MEF2A: variants seen among roughly 807,000 people sequenced by gnomAD.
MEF2A encodes myocyte enhancer factor 2A.
MEF2A carries 28 observed loss-of-function variants against 55.8 expected under a neutral mutation model. The ratio of observed to expected loss-of-function variants is 0.50; its 90% CI spans 0.37 to 0.69. The LOEUF is 0.69. Among genes scored for constraint, MEF2A ranks in the 30% least tolerant of loss-of-function variants. The pLI is 0.00. For synonymous variants in MEF2A, 239 were observed against 227.1 expected, an observed-to-expected ratio of 1.05 and a Z score of -0.47; for missense variants, 528 against 626.2, an observed-to-expected ratio of 0.84 and a Z score of 1.67.
chr15:99,655,707 G>T (rs191576228), intron 4 of MEF2A, among the ~76,000 whole-genome samples: 1 of 152,082 alleles, frequency 6.6e-6, no homozygotes, highest in African/African-American at 2.4e-5. Flanking sequence ...AGATTAAAGT[G>T]GGGGGTTAGG....
At chr15:99,666,606 AT>A (rs2049807654) in intron 4 of MEF2A, among the ~76,000 whole-genome samples, 2 of 149,268 alleles carry the variant, frequency 1.3e-5, no homozygotes, top group African/African-American at 4.9e-5. Flanking sequence ...AATAATAATA[AT>A]AATAAAAAGA....
At chr15:99,611,338 C>T (rs1016821827) in intron 2 of MEF2A, among the ~76,000 whole-genome samples, 23 of 152,066 alleles carry the variant, frequency 1.5e-4, no homozygotes, top group Admixed American at 2.6e-4. Flanking sequence ...ACTCTTACAT[C>T]GCAACAATGA....
chr15:99,569,467 C>T (rs1961163105), intron 1 of MEF2A, among the ~76,000 whole-genome samples: 1 of 152,212 alleles, frequency 6.6e-6, no homozygotes, highest in African/African-American at 2.4e-5. Flanking sequence ...ATCTTAAATT[C>T]ATTGTCAGAT....
At chr15:99,698,928 A>G (rs1448030817) in intron 8 of MEF2A, among the ~76,000 whole-genome samples, 1 of 151,786 alleles carries the variant, frequency 6.6e-6, no homozygotes, top group East Asian at 1.9e-4. Context: ...TTAAATATAC[A>G]CTTGCTGGCC....
chr15:99,603,543 T>TTTTGTGTGTGTG (rs1555455133), intron 2 of MEF2A, among the ~76,000 whole-genome samples: 2 of 126,422 alleles, frequency 1.6e-5, no homozygotes, highest in Non-Finnish European at 3.3e-5. Context: ...CTGGCTGATT[T>TTTTGTGTGTGTG]TGTGTGTGTG....
intron 2 of MEF2A, among the ~76,000 whole-genome samples, chr15:99,621,372 A>ATTT (rs953396846): frequency 1.4e-5 from 2 of 146,940 alleles, no homozygotes; most frequent in Non-Finnish European, 3.0e-5. Flanking sequence ...TATTTTTCTC[A>ATTT]TTTTTTTTTT....
chr15:99,712,983 C>G lies in MEF2A; in HGVS notation c.*212C>G, dbSNP rs1196256261. On this transcript the variant is annotated 3_prime_UTR_variant, in exon 12 of 12. Transcript: ENST00000557942. The surrounding 1 kb of genome is among the most constrained non-coding windows in gnomAD (Gnocchi z 4.1). ...ACTTACCTGCAAACTCCTTGTAGGT[C>G]TGCAGATGTGTGTCCCATGGCAGAC... The G allele has an allele frequency of 1.7e-6, 1 of 598,370 alleles. No individual in the cohort carries two copies. The highest frequency in any genetic ancestry group is 1.9e-5 in the African/African-American group (1 of 54,048). 37.1% of individuals were successfully genotyped at this position (598,370 alleles called of 1,614,324 possible).
Position 99,599,967 on chromosome 15 carries a change from C to T in MEF2A, c.-143+1456C>T, listed in dbSNP as rs1246625955. On this transcript the variant is annotated intron_variant, in intron 2 of 11. Transcript: ENST00000557942. ...GATTTATGTAGGTTGTATGCAAATA[C>T]TGCACCATTTTTATATAAGAGACTT... 2.0e-5 allele frequency among the ~76,000 whole-genome samples: 3 copies of T among 152,074 alleles called. No individual in the cohort carries two copies. The East Asian group carries it at 5.8e-4, about 29-fold the overall frequency.
At chr15:99,634,893 G>A (rs2043516545) in intron 3 of MEF2A, among the ~76,000 whole-genome samples, 2 of 152,052 alleles carry the variant, frequency 1.3e-5, no homozygotes, top group South Asian at 2.1e-4. Context: ...AGAAATAATT[G>A]GACAGTTTAT....
At chr15:99,709,508 T>C (rs1411233215) in intron 10 of MEF2A, among the ~76,000 whole-genome samples, 1 of 151,976 alleles carries the variant, frequency 6.6e-6, no homozygotes, top group Non-Finnish European at 1.5e-5. Flanking sequence ...CCCATGGGAG[T>C]GTATAGAATG....
chr15:99,662,102 G>A (rs2153575125), intron 4 of MEF2A, among the ~76,000 whole-genome samples: 1 of 152,246 alleles, frequency 6.6e-6, no homozygotes, highest in East Asian at 1.9e-4. Flanking sequence ...TGTGGTAAAT[G>A]TATAAAGAAA....
At chr15:99,659,608 A>G (rs1413981423) in intron 4 of MEF2A, among the ~76,000 whole-genome samples, 2 of 152,198 alleles carry the variant, frequency 1.3e-5, no homozygotes, top group Non-Finnish European at 2.9e-5. Flanking sequence ...TGGAAAGAGC[A>G]CTAGACTTAG....
chr15:99,685,884 G>A (rs1448693685), intron 7 of MEF2A, among the ~76,000 whole-genome samples: 2 of 152,046 alleles, frequency 1.3e-5, no homozygotes, highest in Admixed American at 6.5e-5. Flanking sequence ...AATAAGATTG[G>A]TACTAGTTCT....
chr15:99,700,217 T>C (rs1438589808), intron 8 of MEF2A, among the ~76,000 whole-genome samples: 30 of 105,786 alleles, frequency 2.8e-4, no homozygotes, highest in Admixed American at 1.0e-3. Context: ...CACACACATA[T>C]GTACGTATGT....
chr15:99,682,818 T>C (rs952769223), intron 7 of MEF2A, among the ~76,000 whole-genome samples: 5 of 152,248 alleles, frequency 3.3e-5, no homozygotes, highest in African/African-American at 1.2e-4. Flanking sequence ...GATGTGTGGC[T>C]CTGAATTATA....
chr15:99,572,234 T>G (rs1411124959), intron 1 of MEF2A, among the ~76,000 whole-genome samples: 7 of 152,156 alleles, frequency 4.6e-5, no homozygotes, highest in Admixed American at 2.0e-4. Flanking sequence ...CTCTCAGTGT[T>G]TCTTAAACCC....
chr15:99,580,880 A>G (rs1057328340), intron 1 of MEF2A, among the ~76,000 whole-genome samples: 1 of 152,044 alleles, frequency 6.6e-6, no homozygotes, highest in Non-Finnish European at 1.5e-5. Context: ...TCTTGGTTTT[A>G]TTTTATGGTT....
intron 4 of MEF2A, among the ~76,000 whole-genome samples, chr15:99,657,251 G>C (rs1468795407): frequency 1.3e-5 from 2 of 151,600 alleles, no homozygotes; most frequent in East Asian, 3.9e-4. Flanking sequence ...TTCCTGGATT[G>C]TGTGGTAAGT....
chr15:99,611,227 A>G (rs1977170607), intron 2 of MEF2A, among the ~76,000 whole-genome samples: 3 of 152,326 alleles, frequency 2.0e-5, no homozygotes, highest in Admixed American at 2.0e-4. Flanking sequence ...GGATGACAGA[A>G]CGAGACTCTG....
Sources: allele counts gnomAD v4.1 joint callset (sites outside exome capture counted in the v4.1 genomes callset), GRCh38; gene constraint gnomAD v4.1.1; non-coding constraint Gnocchi (gnomAD v3.1); transcripts MANE v1.5; gene names NCBI Gene and HGNC (gene_info 2026-07-23, HGNC 2026-07-21).